KCND3: variants seen among roughly 807,000 people sequenced by gnomAD.
The protein encoded by KCND3 is A-type voltage-gated potassium channel KCND3.
A neutral mutation model predicts 51.1 loss-of-function variants in KCND3; 9 were observed. That is an observed-to-expected ratio of 0.18 (90% CI 0.11 to 0.31). The LOEUF is 0.31. KCND3 is among the 10% of genes least tolerant of loss of function. The pLI, the probability that KCND3 is intolerant of heterozygous loss-of-function variation, is 1.00. For synonymous variants in KCND3, 349 were observed against 368.0 expected (o/e 0.95, Z 0.59); for missense variants, 526 against 903.8 (o/e 0.58, Z 5.36).
At chr1:111,931,223 AAG>A (rs1381526639) in intron 2 of KCND3, among the ~76,000 whole-genome samples, 8 of 152,334 alleles carry the variant, frequency 5.3e-5, no homozygotes, top group African/African-American at 1.9e-4. Flanking sequence ...GTAGGTGGGA[AAG>A]AGGTGAGAAG....
intron 2 of KCND3, among the ~76,000 whole-genome samples, chr1:111,963,139 G>A (rs1673758762): frequency 6.6e-6 from 1 of 152,190 alleles, no homozygotes; most frequent in Non-Finnish European, 1.5e-5. Flanking sequence ...AGCCAGACCA[G>A]ACCAAGAGAA....
At chr1:111,833,895 T>C (rs938646343) in intron 2 of KCND3, among the ~76,000 whole-genome samples, 3 of 151,980 alleles carry the variant, frequency 2.0e-5, no homozygotes, top group African/African-American at 7.3e-5. Context: ...CAACAAGAAG[T>C]GGGCCTGAAG....
chr1:111,967,715 C>T (rs548605513), intron 2 of KCND3, among the ~76,000 whole-genome samples: 1 of 152,370 alleles, frequency 6.6e-6, no homozygotes, highest in East Asian at 1.9e-4. Context: ...ATCCAGGCTA[C>T]TGGGCTAATG....
chr1:111,821,894 G>A (rs1666364850), intron 2 of KCND3, among the ~76,000 whole-genome samples: 1 of 152,152 alleles, frequency 6.6e-6, no homozygotes, highest in Admixed American at 6.5e-5. Context: ...TACAGAAGAT[G>A]CGGGGTTCAT....
At chr1:111,946,107 GT>G (rs1378239243) in intron 2 of KCND3, among the ~76,000 whole-genome samples, 1 of 152,252 alleles carries the variant, frequency 6.6e-6, no homozygotes, top group African/African-American at 2.4e-5. Context: ...AATGGTAGCT[GT>G]TATTGGTAAT....
chr1:111,847,926 AG>A (rs1252699210), intron 2 of KCND3, among the ~76,000 whole-genome samples: 2 of 152,210 alleles, frequency 1.3e-5, no homozygotes. Flanking sequence ...GGAATCACAC[AG>A]CCCCTCCCTG....
intron 2 of KCND3, among the ~76,000 whole-genome samples, chr1:111,956,490 T>C (rs916924857): frequency 1.3e-5 from 2 of 152,188 alleles, no homozygotes; most frequent in Non-Finnish European, 2.9e-5. Flanking sequence ...TAAATAGCCA[T>C]GCCCTATTGA....
chr1:111,981,256 G>A lies in KCND3; in HGVS notation c.1106+365C>T, dbSNP rs931291585. On this transcript the variant is annotated intron_variant, in intron 2 of 7. Transcript: ENST00000302127. This position sits in a 1 kb window ranked among gnomAD's most constrained non-coding sequence, Gnocchi z 6.2. Reference sequence around the variant, plus strand: ...ACAGTCTCCTCCCTCCCCAACAACTGCCCTGACCTTCTCCCCACGCTGCCC... The same window carrying A: ...ACAGTCTCCTCCCTCCCCAACAACTACCCTGACCTTCTCCCCACGCTGCCC... Among the ~76,000 whole-genome samples the A allele has an allele frequency of 1.1e-4, 16 of 151,856 alleles. No individual in the cohort carries two copies. Among genetic ancestry groups the A allele is most frequent in the African/African-American group, 3.9e-4 (16 of 41,312 alleles).
chr1:111,897,269 G>C (rs1361849789), intron 2 of KCND3, among the ~76,000 whole-genome samples: 1 of 152,226 alleles, frequency 6.6e-6, no homozygotes, highest in Non-Finnish European at 1.5e-5. Flanking sequence ...CTGCACCCTG[G>C]TGGTCCTCAC....
chr1:111,909,798 T>C (rs888604415), intron 2 of KCND3: 1 of 152,234 alleles, frequency 6.6e-6, no homozygotes, highest in South Asian at 2.1e-4. Context: ...CAGCCCTTTT[T>C]TCACCTTTAT....
intron 2 of KCND3, among the ~76,000 whole-genome samples, chr1:111,795,976 G>A (rs557096299): frequency 1.3e-5 from 2 of 152,282 alleles, no homozygotes; most frequent in South Asian, 4.1e-4. Flanking sequence ...TTGGCCGCAT[G>A]TATTTCTTTT....
Position 111,780,438 on chromosome 1 carries a change from T to C in KCND3, c.1372-124A>G. Reference sequence around the variant, plus strand: ...TCAAATTTTTTTTTATTTGACCAAATTTCAGGGTCAGCATTGAATATGCTA... The same window carrying C: ...TCAAATTTTTTTTTATTTGACCAAACTTCAGGGTCAGCATTGAATATGCTA... On this transcript the variant is annotated intron_variant, in intron 4 of 7. Transcript: ENST00000302127. The surrounding 1 kb of genome is among the most constrained non-coding windows in gnomAD (Gnocchi z 4.2). The C allele has an allele frequency of 9.8e-7, 1 of 1,021,462 alleles. No homozygotes were observed. The highest frequency in any genetic ancestry group is 1.5e-6 in the Non-Finnish European group (1 of 667,824). 63.3% of individuals were successfully genotyped at this position (1,021,462 alleles called of 1,614,324 possible).
At chr1:111,932,368 G>A (rs371763056) in intron 2 of KCND3, among the ~76,000 whole-genome samples, 7 of 152,306 alleles carry the variant, frequency 4.6e-5, no homozygotes, top group African/African-American at 1.4e-4. Context: ...GCTAAGGGCT[G>A]GGTCTCTTGG....
intron 2 of KCND3, among the ~76,000 whole-genome samples, chr1:111,929,395 C>G (rs1180583972): frequency 6.6e-6 from 1 of 152,204 alleles, no homozygotes; most frequent in East Asian, 1.9e-4. Flanking sequence ...GTCATTCAAG[C>G]CTTCTGTAAG....
chr1:111,957,470 C>T (rs1673396023), intron 2 of KCND3, among the ~76,000 whole-genome samples: 1 of 152,154 alleles, frequency 6.6e-6, no homozygotes, highest in Admixed American at 6.5e-5. Flanking sequence ...ACCTCTATGC[C>T]TTAGTTTTCC....
chr1:111,798,378 C>T (rs1165316127), intron 2 of KCND3, among the ~76,000 whole-genome samples: 1 of 152,130 alleles, frequency 6.6e-6, no homozygotes, highest in Non-Finnish European at 1.5e-5. Context: ...CCCTGACTTC[C>T]CCAGGCAGAG....
intron 2 of KCND3, among the ~76,000 whole-genome samples, chr1:111,894,682 G>A (rs1290105528): frequency 2.0e-5 from 3 of 152,204 alleles, no homozygotes; most frequent in Non-Finnish European, 4.4e-5. Context: ...TGGGACTGGC[G>A]GAGGCTGCAA....
At chr1:111,853,600 C>G (rs1043372349) in intron 2 of KCND3, among the ~76,000 whole-genome samples, 2 of 152,166 alleles carry the variant, frequency 1.3e-5, no homozygotes, top group Non-Finnish European at 2.9e-5. Flanking sequence ...TTGTTCATAA[C>G]ACTCATTATC....
chr1:111,925,924 C>T (rs559728692), intron 2 of KCND3, among the ~76,000 whole-genome samples: 9 of 152,278 alleles, frequency 5.9e-5, no homozygotes, highest in South Asian at 2.1e-4. Context: ...CCTTAGTATC[C>T]TCCCCCTCCC....
Sources: gnomAD v4.1 joint callset for allele counts (sites outside exome capture counted in the v4.1 genomes callset) on GRCh38, gnomAD v4.1.1 for gene constraint, Gnocchi (gnomAD v3.1) non-coding constraint, MANE v1.5 for transcripts, NCBI Gene and HGNC (gene_info 2026-07-23, HGNC 2026-07-21) for gene names.